The following KLF7 variants were observed in gnomAD, a reference collection of about 807,000 sequenced individuals.
KLF7 encodes the protein Krueppel-like factor 7.
KLF7 carries 2 observed loss-of-function variants against 27.3 expected under a neutral mutation model. The ratio of observed to expected loss-of-function variants is 0.07; its 90% CI spans 0.03 to 0.23. The LOEUF is 0.23. KLF7 is among the 10% of genes least tolerant of loss of function. The probability of loss-of-function intolerance (pLI) is 1.00; values close to 1 mark genes in which losing one functional copy is unlikely to be tolerated. For synonymous variants in KLF7, 165 were observed against 162.4 expected (o/e 1.02, Z -0.12); for missense variants, 221 against 394.1 (o/e 0.56, Z 3.72).
At chr2:207,171,575 C>T (rs1351856564), upstream of KLF7, among the ~76,000 whole-genome samples, 1 of 152,112 alleles carries the variant, frequency 6.6e-6, no homozygotes, top group African/African-American at 2.4e-5. Context: ...TGCCACAGCC[C>T]CTCCAGCCTT....
intron 1 of KLF7, 113 bp from the exon 2 acceptor site, chr2:207,124,517 T>C: frequency 9.7e-7 from 1 of 1,027,582 alleles, no homozygotes; most frequent in African/African-American, 1.6e-5. Context: ...TCATGGCTTG[T>C]ATCAGAAATG....
rs972993599 is a variant in KLF7, at chr2:207,078,430, T to C, written c.*2783A>G. ...ATTCAAATGAGACCACAGATGAAAATAGGGAGCAAACAAGCAATGATTACT... is the reference window on the plus strand; with the variant it reads ...ATTCAAATGAGACCACAGATGAAAACAGGGAGCAAACAAGCAATGATTACT... On this transcript the variant is annotated 3_prime_UTR_variant, in exon 4 of 4. Transcript: ENST00000309446. The C allele has an allele frequency of 7.9e-5, 12 of 152,152 alleles. No homozygotes were observed. Among genetic ancestry groups the C allele is most frequent in the Admixed American group, 6.5e-4 (10 of 15,282 alleles). 9.4% of individuals were successfully genotyped at this position (152,152 alleles called of 1,614,324 possible).
At chr2:207,111,833 A>G (rs891082306) in intron 2 of KLF7, among the ~76,000 whole-genome samples, 6 of 152,188 alleles carry the variant, frequency 3.9e-5, no homozygotes, top group Non-Finnish European at 5.9e-5. Flanking sequence ...GACCACCTTC[A>G]GTCTTCAAAG....
intron 1 of KLF7, 48 bp downstream of exon 1, chr2:207,165,419 G>A: frequency 1.2e-6 from 2 of 1,612,996 alleles, no homozygotes; most frequent in South Asian, 1.1e-5. Flanking sequence ...CAGCCCCTGC[G>A]TCTCCGCCGC....
chr2:207,128,212 A>T (rs1403226173), intron 1 of KLF7, among the ~76,000 whole-genome samples: 1 of 152,240 alleles, frequency 6.6e-6, no homozygotes, highest in Non-Finnish European at 1.5e-5. Flanking sequence ...CATGTCAGAA[A>T]GACTCAGAAG....
chr2:207,123,750 C>T (rs897151785), intron 2 of KLF7, 24 bp downstream of exon 2: 5 of 1,592,756 alleles, frequency 3.1e-6, no homozygotes, highest in East Asian at 2.2e-5. Context: ...GAAGAAACCA[C>T]GTGCGGCCAA....
intron 2 of KLF7, among the ~76,000 whole-genome samples, chr2:207,089,477 T>C (rs1199382285): frequency 6.6e-6 from 1 of 152,124 alleles, no homozygotes; most frequent in Non-Finnish European, 1.5e-5. Context: ...ATCATGTCTG[T>C]CACCAAACAT....
At chr2:207,167,063 A>T (rs1233115438), upstream of KLF7, 10 of 1,270,526 alleles carry the variant, frequency 7.9e-6, no homozygotes, top group Non-Finnish European at 1.0e-5. Context: ...TAAAGAGGCT[A>T]GAGGGAGCCT....
At chr2:207,168,608 A>G (rs1282033960), upstream of KLF7, among the ~76,000 whole-genome samples, 1 of 152,220 alleles carries the variant, frequency 6.6e-6, no homozygotes, top group East Asian at 1.9e-4. Context: ...GGAGGCTTCC[A>G]TTGAGACTTT....
chr2:207,165,958 T>C (rs897268547), upstream of KLF7: 6 of 1,023,658 alleles, frequency 5.9e-6, no homozygotes, highest in East Asian at 8.9e-5. Flanking sequence ...TCGCTCCTAA[T>C]GCAATCTTTG....
chr2:207,127,928 TAGAG>T (rs752221673), intron 1 of KLF7, among the ~76,000 whole-genome samples: 1 of 152,174 alleles, frequency 6.6e-6, no homozygotes, highest in Non-Finnish European at 1.5e-5. Flanking sequence ...CATACATACA[TAGAG>T]AAATAAATGT....
chr2:207,171,195 G>A (rs778662709), upstream of KLF7, among the ~76,000 whole-genome samples: 12 of 151,810 alleles, frequency 7.9e-5, no homozygotes, highest in Non-Finnish European at 1.6e-4. Context: ...ACTGCAGATC[G>A]GGTGAGAATA....
At chr2:207,160,723 C>A (rs957776842) in intron 1 of KLF7, among the ~76,000 whole-genome samples, 1 of 152,160 alleles carries the variant, frequency 6.6e-6, no homozygotes, top group African/African-American at 2.4e-5. Flanking sequence ...CTATTAAAGG[C>A]CCCATTAGGA....
intron 2 of KLF7, among the ~76,000 whole-genome samples, chr2:207,115,445 T>C (rs1409131369): frequency 6.6e-6 from 1 of 152,244 alleles, no homozygotes; most frequent in East Asian, 1.9e-4. Flanking sequence ...TTCACCTCCA[T>C]TATTTCACCA....
In KLF7 at chr2:207,150,505, C is replaced by A. The variant is rs190645146; in HGVS notation, c.102+14962G>T. Among the ~76,000 whole-genome samples the A allele has an allele frequency of 1.6e-3, 243 of 152,312 alleles. 2 individuals are homozygous for A. The highest frequency in any genetic ancestry group is 1.9e-3 in the Non-Finnish European group (129 of 68,032). ...TAAGGCTTGAAACAAAAGCCTCCCC[C>A]ACTGCAGAATAGAAAACAATTACAC... On this transcript the variant is annotated intron_variant, in intron 1 of 3. Coordinates refer to ENST00000309446, the MANE Select transcript of KLF7 (RefSeq NM_003709.4).
intron 2 of KLF7, among the ~76,000 whole-genome samples, chr2:207,095,392 G>A (rs1239703581): frequency 9.9e-5 from 15 of 152,156 alleles, no homozygotes; most frequent in Admixed American, 9.8e-4. Flanking sequence ...CTGGTCCTGG[G>A]TTAGGTTTAC....
Position 207,124,360 on chromosome 2 carries a change from C to T in KLF7, c.147G>A (p.Arg49=). ...LERYLQTEPR[R]ISETFGEDLD... ...AGTCCTCACCAAAGGTCTCTGAGAT[C>T]CTCCGGGGCTCCGTCTGTAGGTAGC... Residue 49 remains arginine, a synonymous_variant, in exon 2 of 4, where the codon AGG becomes AGA. Coordinates refer to ENST00000309446, the MANE Select transcript of KLF7 (RefSeq NM_003709.4). The T allele has an allele frequency of 6.3e-7, 1 of 1,590,902 alleles. No homozygotes were observed. The highest frequency in any genetic ancestry group is 8.6e-7 in the Non-Finnish European group (1 of 1,163,890).
intron 1 of KLF7, among the ~76,000 whole-genome samples, chr2:207,132,249 T>C (rs1253972054): frequency 6.6e-6 from 1 of 152,236 alleles, no homozygotes; most frequent in African/African-American, 2.4e-5. Flanking sequence ...TCAGGATTGC[T>C]GAACTCCATG....
intron 1 of KLF7, among the ~76,000 whole-genome samples, chr2:207,133,332 G>C (rs984827683): frequency 6.6e-6 from 1 of 152,302 alleles, no homozygotes; most frequent in South Asian, 2.1e-4. Context: ...ATACTACTGG[G>C]AAGTGCAAAG....
Sources: allele counts gnomAD v4.1 joint callset (sites outside exome capture counted in the v4.1 genomes callset), GRCh38; gene constraint gnomAD v4.1.1; transcripts MANE v1.5; gene names NCBI Gene and HGNC (gene_info 2026-07-23, HGNC 2026-07-21).